Variants in FARP2 observed in about 807,000 individuals in gnomAD.
FARP2 encodes the protein FERM, ARHGEF and pleckstrin domain-containing protein 2.
Under a neutral mutation model 130.5 loss-of-function variants are expected in FARP2, and 111 were observed. The observed-to-expected ratio is 0.85, with a 90% CI of 0.73 to 1.00. The LOEUF is 1.00. Ranked by LOEUF, FARP2 falls within the 50% of genes least tolerant of loss-of-function variation. The pLI, the probability that FARP2 is intolerant of heterozygous loss-of-function variation, is 0.00. For missense variants in FARP2, 1,385 were observed against 1,346.3 expected, an observed-to-expected ratio of 1.03 and a Z score of -0.45; for synonymous variants, 504 against 516.9, an observed-to-expected ratio of 0.98 and a Z score of 0.34.
At position 241,475,459 on chromosome 2, in the gene FARP2, C is replaced by T. The variant is rs11684403; in HGVS notation, c.2132-398C>T. 0.11 allele frequency among the ~76,000 whole-genome samples: 16,478 copies of T among 152,252 alleles called. 990 individuals are homozygous for T. The highest frequency in any genetic ancestry group is 0.14 in the Middle Eastern group (40 of 294). ...TGAAGCTTCTCTGTATTTACAGCCA[C>T]TCCCCATTGCTTGCATTACCACCTG... On this transcript the variant is annotated intron_variant, in intron 18 of 26. Coordinates refer to ENST00000264042, the MANE Select transcript of FARP2 (RefSeq NM_014808.4). The surrounding 1 kb of genome is among the most constrained non-coding windows in gnomAD (Gnocchi z 4.4).
chr2:241,361,687 CAAA>C (rs1395038035), intron 1 of FARP2, among the ~76,000 whole-genome samples: 1 of 152,092 alleles, frequency 6.6e-6, no homozygotes, highest in African/African-American at 2.4e-5. Flanking sequence ...GCTCTATAGT[CAAA>C]CTGCTTTAGT....
intron 8 of FARP2, among the ~76,000 whole-genome samples, chr2:241,428,303 C>G (rs1242503507): frequency 6.9e-6 from 1 of 144,972 alleles, no homozygotes; most frequent in Non-Finnish European, 1.5e-5. Flanking sequence ...GGCGCAGTCT[C>G]TGCTCACTGC....
intron 13 of FARP2, among the ~76,000 whole-genome samples, chr2:241,454,227 A>T (rs1443915992): frequency 1.3e-5 from 2 of 152,052 alleles, no homozygotes; most frequent in Admixed American, 1.3e-4. Flanking sequence ...TGCAACTTAA[A>T]GGCAGATTTT....
Position 241,411,180 on chromosome 2 carries a change from A to G in FARP2, c.508+50A>G, listed in dbSNP as rs1305261561. The G allele has an allele frequency of 7.1e-6, 9 of 1,267,060 alleles. No homozygotes were observed. The African/African-American group carries it at 8.8e-5, about 12-fold the overall frequency. 78.5% of individuals were successfully genotyped at this position (1,267,060 alleles called of 1,614,324 possible). ...AGCATTCACTGACCATGGCACAGAT[A>G]TACCCGCACTCAGAACTACAATTAG... On this transcript the variant is annotated intron_variant, in intron 6 of 26. Transcript: ENST00000264042.
At chr2:241,469,093 T>G (rs1041173261) in intron 18 of FARP2, among the ~76,000 whole-genome samples, 20 of 106,904 alleles carry the variant, frequency 1.9e-4, no homozygotes, top group South Asian at 5.4e-4. Flanking sequence ...GGTTTTGTGG[T>G]TTTTTTTTTT....
Position 241,493,355 on chromosome 2 carries a change from C to T in FARP2, c.2958C>T (p.Ala986=), listed in dbSNP as rs759043812. ...ACAGCGTGAGCATCCCCAGGGAGGC[C>T]GATGGCATACACAAAGACTATGTTT... The part of the protein sequence containing the change: ...LGYSVSIPRE[A]DGIHKDYVFK... The change falls in exon 26 of 27, where the codon GCC becomes GCT. Residue 986 remains alanine (A), a synonymous_variant. Coordinates refer to ENST00000264042, the MANE Select transcript of FARP2 (RefSeq NM_014808.4). 6.2e-6 allele frequency: 10 copies of T among 1,613,826 alleles called. No individual in the cohort carries two copies. Among genetic ancestry groups the T allele is most frequent in the Admixed American group, 5.0e-5 (3 of 60,002 alleles).
chr2:241,390,214 G>GT (rs1352736599), intron 2 of FARP2, among the ~76,000 whole-genome samples: 4 of 152,224 alleles, frequency 2.6e-5, no homozygotes, highest in Non-Finnish European at 4.4e-5. Flanking sequence ...TCTCCCCACA[G>GT]TTTTGTGATG....
At chr2:241,408,049 G>A (rs115323581) in intron 5 of FARP2, among the ~76,000 whole-genome samples, 1 of 152,098 alleles carries the variant, frequency 6.6e-6, no homozygotes, top group Non-Finnish European at 1.5e-5. Context: ...CTACTATTTT[G>A]AATTAAAGAT....
At chr2:241,463,773 C>T in intron 16 of FARP2, 126 bp from the exon 17 acceptor site, 1 of 862,640 alleles carries the variant, frequency 1.2e-6, no homozygotes, top group African/African-American at 1.7e-5. Flanking sequence ...CCTGCGGCCT[C>T]TTCCACCTCA....
Position 241,493,076 on chromosome 2 carries a change from GCAGA to G in FARP2, c.2895+47_2895+50del, listed in dbSNP as rs776884699. On this transcript the variant is annotated intron_variant, in intron 25 of 26. Coordinates refer to ENST00000264042, the MANE Select transcript of FARP2 (RefSeq NM_014808.4). ...CTGGAGCCCAATGCAGGTGATGCTAGCAGACAGACACTTAACCCTGCTCACCTGT... is the reference window on the plus strand; with the variant it reads ...CTGGAGCCCAATGCAGGTGATGCTAGCAGACACTTAACCCTGCTCACCTGT... The G allele has an allele frequency of 1.6e-5, 20 of 1,249,794 alleles. No homozygotes were observed. In the East Asian group the frequency reaches 2.3e-4, roughly 14 times the overall value. The allele number at this position is 1,249,794 out of a possible 1,614,324, so 77.4% of individuals were successfully genotyped here. A position where few individuals can be genotyped will look rare whatever the true frequency, so the allele number is the denominator to read the frequency against.
intron 1 of FARP2, among the ~76,000 whole-genome samples, chr2:241,363,243 A>G (rs1438821555): frequency 6.6e-6 from 1 of 152,184 alleles, no homozygotes; most frequent in Admixed American, 6.5e-5. Flanking sequence ...GGAGAAAGCC[A>G]TTATTTTTTT....
intron 7 of FARP2, among the ~76,000 whole-genome samples, chr2:241,413,940 CA>C (rs746206247): frequency 0.044 from 3,868 of 88,494 alleles, 55 homozygotes; most frequent in Middle Eastern, 0.25. Context: ...AACTCCGTCT[CA>C]AAAAAAAAAA....
At chr2:241,468,829 C>T (rs1237482492) in intron 18 of FARP2, among the ~76,000 whole-genome samples, 2 of 152,218 alleles carry the variant, frequency 1.3e-5, no homozygotes, top group African/African-American at 4.8e-5. Flanking sequence ...CCAAGGTGAC[C>T]TGTTAGAAGT....
intron 19 of FARP2, among the ~76,000 whole-genome samples, chr2:241,483,239 T>TAA (rs2064661472): frequency 6.6e-6 from 1 of 152,282 alleles, no homozygotes; most frequent in Admixed American, 6.5e-5. Flanking sequence ...AGGTGCTCAG[T>TAA]AGATGGTTTG....
At chr2:241,484,164 C>T in intron 20 of FARP2, 78 bp from the exon 21 acceptor site, 4 of 1,591,524 alleles carry the variant, frequency 2.5e-6, no homozygotes, top group Non-Finnish European at 3.4e-6. Context: ...ACATGATGAG[C>T]AGCCAGAGTC....
chr2:241,421,589 C>T (rs1338489570), intron 8 of FARP2, among the ~76,000 whole-genome samples: 2 of 152,208 alleles, frequency 1.3e-5, no homozygotes, highest in Non-Finnish European at 2.9e-5. Context: ...CCCCCACATG[C>T]AGCATACGTA....
At chr2:241,403,728 T>A (rs948403419) in intron 2 of FARP2, 100 bp from the exon 3 acceptor site, 1 of 624,224 alleles carries the variant, frequency 1.6e-6, no homozygotes, top group African/African-American at 1.9e-5. Flanking sequence ...GAAGACAAAG[T>A]GATTTTATGT....
intron 8 of FARP2, among the ~76,000 whole-genome samples, chr2:241,423,309 C>T (rs1217080052): frequency 1.3e-5 from 2 of 152,198 alleles, no homozygotes; most frequent in Admixed American, 1.3e-4. Context: ...GGCCAATATT[C>T]AACATTCTTA....
intron 1 of FARP2, among the ~76,000 whole-genome samples, chr2:241,368,451 C>A (rs1201554527): frequency 6.6e-6 from 1 of 152,072 alleles, no homozygotes; most frequent in African/African-American, 2.4e-5. Context: ...CCTAGTCTAG[C>A]CTGTGTGTTC....
Sources: allele counts gnomAD v4.1 joint callset (sites outside exome capture counted in the v4.1 genomes callset), GRCh38; gene constraint gnomAD v4.1.1; non-coding constraint Gnocchi (gnomAD v3.1); transcripts MANE v1.5; gene names NCBI Gene and HGNC (gene_info 2026-07-23, HGNC 2026-07-21).